The following GRIK3 variants were observed in gnomAD, a reference collection of about 807,000 sequenced individuals.
GRIK3 encodes glutamate ionotropic receptor kainate type subunit 3, also known as glutamate receptor ionotropic, kainate 3.
Under a neutral mutation model 102.5 loss-of-function variants are expected in GRIK3, and 29 were observed. The observed-to-expected ratio is 0.28, with a 90% CI of 0.21 to 0.39. GRIK3 has a LOEUF of 0.39. Ranked by LOEUF, GRIK3 falls within the 10% of genes least tolerant of loss-of-function variation. GRIK3 has a pLI of 1.00. For synonymous variants in GRIK3, 511 were observed against 504.9 expected (o/e 1.01, Z -0.16); for missense variants, 908 against 1,252.4 (o/e 0.73, Z 4.15).
chr1:36,983,163 G>A (rs563083036), intron 1 of GRIK3, among the ~76,000 whole-genome samples: 3 of 152,208 alleles, frequency 2.0e-5, no homozygotes, highest in Non-Finnish European at 2.9e-5. Flanking sequence ...TCCCGACACC[G>A]ACACCGAGGA....
intron 1 of GRIK3, among the ~76,000 whole-genome samples, chr1:36,934,125 C>T (rs1305271366): frequency 1.3e-5 from 2 of 152,142 alleles, no homozygotes; most frequent in Non-Finnish European, 1.5e-5. Context: ...GACAAGTCTT[C>T]CCTGAGGTCC....
chr1:36,869,894 G>T, intron 4 of GRIK3, 93 bp from the exon 5 acceptor site: 4 of 858,232 alleles, frequency 4.7e-6, no homozygotes, highest in Admixed American at 1.8e-5. Context: ...ACTGGCAGTG[G>T]GTTGGGGAAG....
chr1:36,887,897 A>G (rs1273990660), intron 2 of GRIK3, among the ~76,000 whole-genome samples: 1 of 151,900 alleles, frequency 6.6e-6, no homozygotes, highest in Non-Finnish European at 1.5e-5. Context: ...TAAAAATAAA[A>G]CTGACTTTAC....
chr1:36,947,212 C>G (rs1641794257), intron 1 of GRIK3, among the ~76,000 whole-genome samples: 1 of 152,038 alleles, frequency 6.6e-6, no homozygotes, highest in Non-Finnish European at 1.5e-5. Flanking sequence ...GTACCCAACT[C>G]ACCCTCACAT....
chr1:36,862,280 A>G (rs1052184462), intron 5 of GRIK3, among the ~76,000 whole-genome samples: 1 of 152,130 alleles, frequency 6.6e-6, no homozygotes, highest in Non-Finnish European at 1.5e-5. Flanking sequence ...CAGGCATTAC[A>G]AATCAGGATT....
chr1:37,012,156 A>T (rs1169756409), intron 1 of GRIK3, among the ~76,000 whole-genome samples: 1 of 152,256 alleles, frequency 6.6e-6, no homozygotes, highest in Non-Finnish European at 1.5e-5. Flanking sequence ...TTGTGTGGGA[A>T]CGAGTGCCAG....
At chr1:36,996,603 A>T (rs1642422109) in intron 1 of GRIK3, among the ~76,000 whole-genome samples, 1 of 152,148 alleles carries the variant, frequency 6.6e-6, no homozygotes, top group African/African-American at 2.4e-5. Flanking sequence ...GTGAAGACCA[A>T]AAAGATGTGA....
chr1:36,966,081 C>T (rs1642074750), intron 1 of GRIK3, among the ~76,000 whole-genome samples: 1 of 152,212 alleles, frequency 6.6e-6, no homozygotes, highest in Admixed American at 6.5e-5. Flanking sequence ...GAGAAATATG[C>T]CCCATGGTCC....
At chr1:36,932,963 C>T (rs1265430706) in intron 1 of GRIK3, among the ~76,000 whole-genome samples, 1 of 152,202 alleles carries the variant, frequency 6.6e-6, no homozygotes, top group African/African-American at 2.4e-5. Flanking sequence ...ACGCTAATAA[C>T]CAAAACATGC....
At chr1:36,964,823 C>T (rs1642062789) in intron 1 of GRIK3, among the ~76,000 whole-genome samples, 1 of 152,174 alleles carries the variant, frequency 6.6e-6, no homozygotes, top group Non-Finnish European at 1.5e-5. Context: ...GAGGAATCCC[C>T]AAGGCATCTG....
intron 2 of GRIK3, among the ~76,000 whole-genome samples, chr1:36,883,944 A>G (rs1375980567): frequency 1.1e-4 from 16 of 152,236 alleles, no homozygotes; most frequent in Admixed American, 1.0e-3. Flanking sequence ...TCTACCAGGA[A>G]CACCAGAGAT....
At chr1:36,987,718 G>T (rs1470318338) in intron 1 of GRIK3, among the ~76,000 whole-genome samples, 1 of 152,132 alleles carries the variant, frequency 6.6e-6, no homozygotes, top group Non-Finnish European at 1.5e-5. Context: ...GGGTGCATGG[G>T]TATATGGGTA....
At chr1:36,993,578 C>A (rs1274321204) in intron 1 of GRIK3, among the ~76,000 whole-genome samples, 1 of 152,218 alleles carries the variant, frequency 6.6e-6, no homozygotes, top group East Asian at 1.9e-4. Context: ...CTCTGATGGA[C>A]ATTAATATGC....
At chr1:36,853,307 C>A (rs1315796126) in intron 8 of GRIK3, among the ~76,000 whole-genome samples, 1 of 152,178 alleles carries the variant, frequency 6.6e-6, no homozygotes, top group Non-Finnish European at 1.5e-5. Flanking sequence ...AGAGACAGTC[C>A]ATCCACCCCA....
At chr1:36,993,140 G>T (rs1471629898) in intron 1 of GRIK3, among the ~76,000 whole-genome samples, 1 of 152,184 alleles carries the variant, frequency 6.6e-6, no homozygotes, top group Non-Finnish European at 1.5e-5. Flanking sequence ...ACCATACATG[G>T]CAAACCTAGG....
chr1:36,979,479 T>C (rs1301087104), intron 1 of GRIK3, among the ~76,000 whole-genome samples: 4 of 152,238 alleles, frequency 2.6e-5, no homozygotes, highest in Non-Finnish European at 4.4e-5. Flanking sequence ...ATACTGTGCC[T>C]GCCCTATCTG....
intron 1 of GRIK3, among the ~76,000 whole-genome samples, chr1:37,025,480 C>G (rs1209437865): frequency 1.3e-5 from 2 of 152,196 alleles, no homozygotes; most frequent in Non-Finnish European, 2.9e-5. Flanking sequence ...TAGAATGACC[C>G]CCGGGGTCTT....
At chr1:36,944,531 G>A (rs1298760120) in intron 1 of GRIK3, among the ~76,000 whole-genome samples, 1 of 152,214 alleles carries the variant, frequency 6.6e-6, no homozygotes, top group Non-Finnish European at 1.5e-5. Context: ...AGTGTTCTCA[G>A]TTCTCTGGAC....
At chr1:36,975,246 C>A (rs1158837187) in intron 1 of GRIK3, among the ~76,000 whole-genome samples, 1 of 150,678 alleles carries the variant, frequency 6.6e-6, no homozygotes. Flanking sequence ...GATAACATCA[C>A]CCAGGACAAG....
Sources: allele counts gnomAD v4.1 joint callset (sites outside exome capture counted in the v4.1 genomes callset), GRCh38; gene constraint gnomAD v4.1.1; transcripts MANE v1.5; gene names NCBI Gene and HGNC (gene_info 2026-07-23, HGNC 2026-07-21).